The following ZNF429 variants were observed in gnomAD, a reference collection of about 807,000 sequenced individuals.
ZNF429 encodes the protein zinc finger protein 429.
A neutral mutation model predicts 56.8 loss-of-function variants in ZNF429; 53 were observed. The observed-to-expected ratio is 0.93, with a 90% CI of 0.75 to 1.17. ZNF429 has a LOEUF of 1.17. Ranked by LOEUF, ZNF429 falls within the 50% of genes most tolerant of loss-of-function variation. The pLI is 0.00. For synonymous variants in ZNF429, 278 were observed against 264.7 expected (o/e 1.05, Z -0.49); for missense variants, 849 against 788.4 (o/e 1.08, Z -0.92).
chr19:21,532,455 C>G, intron 3 of ZNF429, among the ~76,000 whole-genome samples: 5 of 152,212 alleles, frequency 3.3e-5, no homozygotes, highest in Non-Finnish European at 7.4e-5. Flanking sequence ...CCACTACTCT[C>G]AAACATTTTA....
chr19:21,524,384 C>A (rs6511261), intron 1 of ZNF429, among the ~76,000 whole-genome samples: 24,759 of 152,094 alleles, frequency 0.16, 2,103 homozygotes, highest in Middle Eastern at 0.2. Context: ...AAAAATTAGC[C>A]GAGTGTGGTG....
At chr19:21,505,797 C>G (rs778977141) in intron 1 of ZNF429, 23 bp downstream of exon 1, 23 of 1,611,226 alleles carry the variant, frequency 1.4e-5, no homozygotes, top group South Asian at 4.4e-5. Flanking sequence ...AGTCTGACAT[C>G]CCCAGAGAGG....
chr19:21,520,744 A>G (rs1209404708), intron 1 of ZNF429, among the ~76,000 whole-genome samples: 1 of 152,194 alleles, frequency 6.6e-6, no homozygotes, highest in African/African-American at 2.4e-5. Flanking sequence ...TTGCAGTCCA[A>G]AGTACTTACA....
rs565112867 is a variant in ZNF429 at position 21,516,673 on chromosome 19, T to C, written c.3+10899T>C. On this transcript the variant is annotated intron_variant, in intron 1 of 3. Transcript: ENST00000358491. Reference sequence around the variant, plus strand: ...GATTTTTCACCACCCTGGTTAGCTGTATTTCTAGATATTCTATTCTTTTTG... The same window carrying C: ...GATTTTTCACCACCCTGGTTAGCTGCATTTCTAGATATTCTATTCTTTTTG... Among the ~76,000 whole-genome samples, 22 of 152,322 alleles carry C rather than the reference T, an allele frequency of 1.4e-4. 1 individual carries two copies. The South Asian group carries it at 4.6e-3, about 32-fold the overall frequency.
At chr19:21,508,332 T>C (rs1307325695) in intron 1 of ZNF429, among the ~76,000 whole-genome samples, 2 of 152,146 alleles carry the variant, frequency 1.3e-5, no homozygotes, top group African/African-American at 4.8e-5. Context: ...AAAATGCACT[T>C]GGGACACTTA....
At position 21,517,796 on chromosome 19, in the gene ZNF429, CT is replaced by C. The variant is rs777982396; in HGVS notation, c.4-11847del. On this transcript the variant is annotated intron_variant, in intron 1 of 3. Transcript: ENST00000358491. ...GTAGTAATGACCCTTTTGTCATTTCCTTTTTTTTTTTTTTTGATATGGAGTC... is the reference window on the plus strand; with the variant it reads ...GTAGTAATGACCCTTTTGTCATTTCCTTTTTTTTTTTTTTGATATGGAGTC... Among the ~76,000 whole-genome samples, 476 of 106,354 alleles carry C rather than the reference CT, an allele frequency of 4.5e-3. 1 individual carries two copies. Among genetic ancestry groups the C allele is most frequent in the East Asian group, 0.011 (40 of 3,616 alleles). 69.8% of individuals were successfully genotyped at this position (106,354 alleles called of 152,430 possible).
intron 3 of ZNF429, among the ~76,000 whole-genome samples, chr19:21,531,106 C>CAAAAA: frequency 1.7e-4 from 3 of 17,512 alleles, no homozygotes; most frequent in Non-Finnish European, 2.9e-4. Flanking sequence ...AACTCCATCT[C>CAAAAA]AAAAAAAAAA....
intron 1 of ZNF429, 124 bp downstream of exon 1, chr19:21,505,898 T>C (rs1359612426): frequency 8.2e-6 from 9 of 1,103,546 alleles, no homozygotes; most frequent in African/African-American, 1.6e-5. Flanking sequence ...GAATTCTCCT[T>C]GCCCAGCTCG....
At chr19:21,513,025 C>T (rs919834225) in intron 1 of ZNF429, among the ~76,000 whole-genome samples, 6 of 151,974 alleles carry the variant, frequency 3.9e-5, no homozygotes, top group African/African-American at 1.4e-4. Context: ...CGCCTGCCAC[C>T]ATGCCCGGCT....
rs753863371 is a variant in ZNF429, at chr19:21,537,897, A to G, written c.1844A>G (p.His615Arg). The change falls in exon 4 of 4, where the codon CAT becomes CGT. Residue 615 changes from histidine (H) to arginine (R), a missense_variant. Transcript: ENST00000358491. ...SSRLTQHKKI[H>R]TREKPYKCEE... ...AGACTTACTCAACATAAGAAAATTC[A>G]TACTAGAGAGAAACCTTACAAATGT... 2.5e-5 allele frequency: 40 copies of G among 1,613,960 alleles called. No homozygotes were observed. The highest frequency in any genetic ancestry group is 5.5e-5 in the South Asian group (5 of 91,080).
intron 1 of ZNF429, among the ~76,000 whole-genome samples, chr19:21,519,752 C>T (rs1345735336): frequency 6.6e-6 from 1 of 152,164 alleles, no homozygotes; most frequent in African/African-American, 2.4e-5. Flanking sequence ...TCCTAATTCC[C>T]ACAACACAGT....
At chr19:21,526,428 C>G (rs529516267) in intron 1 of ZNF429, among the ~76,000 whole-genome samples, 1 of 152,210 alleles carries the variant, frequency 6.6e-6, no homozygotes, top group East Asian at 1.9e-4. Context: ...AACAGAAAAC[C>G]TTTTATCTGA....
chr19:21,512,339 C>T (rs182334945), intron 1 of ZNF429, among the ~76,000 whole-genome samples: 112 of 152,034 alleles, frequency 7.4e-4, no homozygotes, highest in Non-Finnish European at 1.1e-3. Context: ...GTCTTTATGA[C>T]CTGTATCTTG....
At chr19:21,532,998 ATT>A in intron 3 of ZNF429, among the ~76,000 whole-genome samples, 34 of 147,654 alleles carry the variant, frequency 2.3e-4, no homozygotes, top group African/African-American at 5.9e-4. Context: ...CCCGGTCCAA[ATT>A]TTTTTTTTTT....
At chr19:21,524,304 C>T (rs766065338) in intron 1 of ZNF429, among the ~76,000 whole-genome samples, 16 of 152,168 alleles carry the variant, frequency 1.1e-4, no homozygotes, top group Admixed American at 5.9e-4. Flanking sequence ...CCAAGGCAGA[C>T]GGATCACGAC....
rs1454811224 is a variant in ZNF429, at chr19:21,536,698, C to T, written c.645C>T (p.Ala215=). The change falls in exon 4 of 4, where the codon GCC becomes GCT. Residue 215 remains alanine (A), a synonymous_variant. Transcript: ENST00000358491. The stretch of plus-strand genomic sequence containing the variant: ...GCAATGCCTTTAATCAGTCCTCAGC[C>T]CTTACTAACCATAAGAGAATTTATG... The part of the protein sequence containing the change: ...EFGNAFNQSS[A]LTNHKRIYVG... 6.2e-7 allele frequency: 1 copy of T among 1,613,960 alleles called. No individual in the cohort carries two copies. The highest frequency in any genetic ancestry group is 1.7e-5 in the Admixed American group (1 of 60,008).
chr19:21,536,670 T>C lies in ZNF429; in HGVS notation c.617T>C (p.Phe206Ser). The change falls in exon 4 of 4, where the codon TTT (phenylalanine) becomes TCT (serine). Residue 206 changes from phenylalanine (F) to serine (S), a missense_variant. Phe to Ser is a radical substitution (Grantham distance 155, BLOSUM62 -2). Coordinates refer to ENST00000358491, the MANE Select transcript of ZNF429 (RefSeq NM_001001415.4). ...IRENTYRCKE[F>S]GNAFNQSSAL... ...GAGAATACCTACAGATGTAAAGAAT[T>C]TGGCAATGCCTTTAATCAGTCCTCA... The C allele has an allele frequency of 6.2e-7, 1 of 1,613,846 alleles. No homozygotes were observed. Among genetic ancestry groups the C allele is most frequent in the Non-Finnish European group, 8.5e-7 (1 of 1,179,898 alleles).
chr19:21,539,462 C>T lies in ZNF429; in HGVS notation c.*1384C>T, dbSNP rs551766295. On this transcript the variant is annotated 3_prime_UTR_variant, in exon 4 of 4. Coordinates refer to ENST00000358491, the MANE Select transcript of ZNF429 (RefSeq NM_001001415.4). Reference sequence around the variant, plus strand: ...TTTGAGATGGAGTCTCACTTTGTTGCCTACGTTGGAGTTCAGTGGCACAAT... The same window carrying T: ...TTTGAGATGGAGTCTCACTTTGTTGTCTACGTTGGAGTTCAGTGGCACAAT... Among the ~76,000 whole-genome samples, 1 of 152,116 alleles carries T rather than the reference C, an allele frequency of 6.6e-6. No individual in the cohort carries two copies. Among genetic ancestry groups the T allele is most frequent in the South Asian group, 2.1e-4 (1 of 4,810 alleles).
chr19:21,507,911 A>C (rs576749647), intron 1 of ZNF429, among the ~76,000 whole-genome samples: 4 of 152,294 alleles, frequency 2.6e-5, no homozygotes, highest in African/African-American at 9.6e-5. Context: ...TATTGAGTTG[A>C]AAACAAATAA....
Sources: gnomAD v4.1 joint callset for allele counts (sites outside exome capture counted in the v4.1 genomes callset) on GRCh38, gnomAD v4.1.1 for gene constraint, MANE v1.5 for transcripts, NCBI Gene and HGNC (gene_info 2026-07-23, HGNC 2026-07-21) for gene names.